Variants in CDH11 observed in about 807,000 individuals in gnomAD.
CDH11 encodes the protein cadherin-11.
In CDH11, 11 loss-of-function variants were observed where a neutral mutation model predicts 67.8. The ratio of observed to expected loss-of-function variants is 0.16; its 90% confidence interval spans 0.10 to 0.27. The LOEUF is 0.27. CDH11 is among the 10% of genes least tolerant of loss of function. CDH11 has a pLI of 1.00. For missense variants in CDH11, 847 were observed against 1,031.2 expected, an observed-to-expected ratio of 0.82 and a Z score of 2.45; for synonymous variants, 419 against 400.0, an observed-to-expected ratio of 1.05 and a Z score of -0.57.
In CDH11 at chr16:65,004,686, C is replaced by G; in HGVS notation, c.184G>C (p.Val62Leu). ...TCAGGCCCGGTGTACTCCTCTATCA[C>G]GAAGAACTGGTTCCAGACCCAGCCA... ...KRGWVWNQFF[V>L]IEEYTGPDPV... The change falls in exon 3 of 13, where the codon GTG becomes CTG. Residue 62 changes from valine (V) to leucine (L), a missense_variant. Val to Leu is a conservative substitution (Grantham distance 32). This residue lies in a region of CDH11 where 235 missense variants were observed against 352.5 expected (regional missense o/e 0.67). Coordinates refer to ENST00000268603, the MANE Select transcript of CDH11 (RefSeq NM_001797.4). The G allele has an allele frequency of 6.2e-7, 1 of 1,613,770 alleles. No individual in the cohort carries two copies. Among genetic ancestry groups the G allele is most frequent in the Non-Finnish European group, 8.5e-7 (1 of 1,179,984 alleles).
intron 1 of CDH11, among the ~76,000 whole-genome samples, chr16:65,073,890 C>T (rs947946764): frequency 2.0e-5 from 3 of 152,164 alleles, no homozygotes; most frequent in Non-Finnish European, 2.9e-5. Context: ...GAAGCAAGGC[C>T]TTGCAGAAAG....
chr16:65,112,026 C>T lies in CDH11; in HGVS notation c.-298+9854G>A, dbSNP rs189109897. Among the ~76,000 whole-genome samples, 271 of 146,084 alleles carry T rather than the reference C, an allele frequency of 1.9e-3. 3 individuals carry two copies. Among genetic ancestry groups the T allele is most frequent in the Non-Finnish European group, 7.4e-4 (50 of 67,128 alleles). On this transcript the variant is annotated intron_variant, in intron 1 of 12. Coordinates refer to ENST00000268603, the MANE Select transcript of CDH11 (RefSeq NM_001797.4). ...TGGAGGTTGCAATGAGCCAAGATTG[C>T]GCCACTGCACTCCAGCCTGGGCAAC...
intron 2 of CDH11, among the ~76,000 whole-genome samples, chr16:65,007,460 T>C (rs1395716417): frequency 6.6e-6 from 1 of 152,168 alleles, no homozygotes; most frequent in Non-Finnish European, 1.5e-5. Context: ...TCAGGCACTT[T>C]AATAATACAT....
Position 64,945,301 on chromosome 16 carries a change from T to TAAAAAAAAAAAAAAAAAAGA in CDH11, c.*2282_*2301dup, listed in dbSNP as rs2071175992. The TAAAAAAAAAAAAAAAAAAGA allele has an allele frequency of 3.2e-5, 12 of 371,882 alleles. No homozygotes were observed. Among genetic ancestry groups the TAAAAAAAAAAAAAAAAAAGA allele is most frequent in the Admixed American group, 1.5e-4 (2 of 12,946 alleles). 23.0% of individuals were successfully genotyped at this position (371,882 alleles called of 1,614,324 possible). A position where few individuals can be genotyped will look rare whatever the true frequency, so the allele number is the denominator to read the frequency against. On this transcript the variant is annotated 3_prime_UTR_variant, in exon 13 of 13. Transcript: ENST00000268603. ...AGAGGCTTAACGAAAAAATAAAAGG[T>TAAAAAAAAAAAAAAAAAAGA]AAAAAAAAAAAAAAAAAAGAAAAAG...
At chr16:65,038,312 G>T (rs1283532589) in intron 2 of CDH11, among the ~76,000 whole-genome samples, 2 of 151,984 alleles carry the variant, frequency 1.3e-5, no homozygotes, top group Non-Finnish European at 2.9e-5. Flanking sequence ...TGTCTGCTAG[G>T]GAAGAAAATG....
chr16:65,026,581 A>T (rs2073538917), intron 2 of CDH11, among the ~76,000 whole-genome samples: 1 of 152,176 alleles, frequency 6.6e-6, no homozygotes, highest in Non-Finnish European at 1.5e-5. Flanking sequence ...AGAATTTAGT[A>T]AAACATGTTT....
chr16:65,109,819 T>C (rs558719345), intron 1 of CDH11, among the ~76,000 whole-genome samples: 1 of 152,322 alleles, frequency 6.6e-6, no homozygotes, highest in Non-Finnish European at 1.5e-5. Context: ...ACTGGACTTC[T>C]ACCCAGGTCC....
intron 11 of CDH11, among the ~76,000 whole-genome samples, chr16:64,953,038 C>G (rs918982902): frequency 6.6e-6 from 1 of 152,042 alleles, no homozygotes; most frequent in Non-Finnish European, 1.5e-5. Context: ...TAAATGATCT[C>G]TAAATTACTT....
chr16:65,102,887 G>A (rs2075015678), intron 1 of CDH11, among the ~76,000 whole-genome samples: 1 of 152,210 alleles, frequency 6.6e-6, no homozygotes, highest in South Asian at 2.1e-4. Flanking sequence ...GTTTAAAAGT[G>A]TGGGGACTGA....
At chr16:64,969,358 G>A (rs1362966299) in intron 11 of CDH11, among the ~76,000 whole-genome samples, 1 of 152,124 alleles carries the variant, frequency 6.6e-6, no homozygotes, top group Non-Finnish European at 1.5e-5. Context: ...ATGATAAACA[G>A]TAATATTGCT....
chr16:65,072,176 A>C, intron 1 of CDH11: 1 of 152,424 alleles, frequency 6.6e-6, no homozygotes, highest in Non-Finnish European at 1.5e-5. Flanking sequence ...TGGGGAGACC[A>C]AGGGCCACAG....
chr16:64,950,102 C>A (rs1053258568), intron 12 of CDH11, among the ~76,000 whole-genome samples: 4 of 152,098 alleles, frequency 2.6e-5, no homozygotes, highest in African/African-American at 7.2e-5. Context: ...TCCTGAGGCC[C>A]AGCAATGGCA....
chr16:65,080,941 G>A (rs189035263), intron 1 of CDH11, among the ~76,000 whole-genome samples: 18 of 152,188 alleles, frequency 1.2e-4, no homozygotes, highest in African/African-American at 4.3e-4. Context: ...TGATGCAATG[G>A]TAGTGCCCGA....
chr16:65,003,720 A>G (rs1255908857), intron 3 of CDH11, among the ~76,000 whole-genome samples: 2 of 152,178 alleles, frequency 1.3e-5, no homozygotes, highest in Admixed American at 1.3e-4. Flanking sequence ...GAGACCACAG[A>G]GCCTGGAATG....
At chr16:64,954,740 T>C (rs746486908) in intron 11 of CDH11, among the ~76,000 whole-genome samples, 23 of 152,174 alleles carry the variant, frequency 1.5e-4, no homozygotes, top group Middle Eastern at 3.4e-3. Context: ...CTCTCAGAAG[T>C]GGCATTTCTG....
intron 1 of CDH11, among the ~76,000 whole-genome samples, chr16:65,066,529 T>A (rs942927247): frequency 6.6e-6 from 1 of 152,182 alleles, no homozygotes; most frequent in Non-Finnish European, 1.5e-5. Context: ...CAGGGATAAC[T>A]TACACAAAGA....
intron 1 of CDH11, among the ~76,000 whole-genome samples, chr16:65,092,784 C>CA (rs573644581): frequency 0.11 from 10,818 of 98,728 alleles, 670 homozygotes; most frequent in African/African-American, 0.24. Context: ...GGACATTTTC[C>CA]AAAAAAAAAA....
chr16:64,978,052 T>G (rs2142445371), intron 8 of CDH11, among the ~76,000 whole-genome samples: 1 of 152,290 alleles, frequency 6.6e-6, no homozygotes, highest in African/African-American at 2.4e-5. Flanking sequence ...CCATTTACTT[T>G]TTCATAAGTA....
intron 11 of CDH11, among the ~76,000 whole-genome samples, chr16:64,968,914 T>TA (rs1186466310): frequency 1.3e-5 from 2 of 152,216 alleles, no homozygotes; most frequent in Non-Finnish European, 2.9e-5. Flanking sequence ...GAAAGTCTAT[T>TA]AAATGATAAT....
Sources: gnomAD v4.1 joint callset for allele counts (sites outside exome capture counted in the v4.1 genomes callset) on GRCh38, gnomAD v4.1.1 for gene constraint, gnomAD v4.1.1 regional missense constraint, MANE v1.5 for transcripts, NCBI Gene and HGNC (gene_info 2026-07-23, HGNC 2026-07-21) for gene names.